The following WWOX variants were observed in gnomAD, a reference collection of about 807,000 sequenced individuals.
WWOX encodes WW domain-containing oxidoreductase.
A neutral mutation model predicts 46.2 loss-of-function variants in WWOX; 69 were observed. That is an observed-to-expected ratio of 1.49 (90% CI 1.23 to 1.82). WWOX has a LOEUF of 1.82. Among genes scored for constraint, WWOX ranks in the 40% most tolerant of loss-of-function variants. The pLI is 0.00. For synonymous variants in WWOX, 359 were observed against 202.6 expected (o/e 1.77, Z -6.56); for missense variants, 919 against 542.6 (o/e 1.69, Z -6.89).
intron 8 of WWOX, among the ~76,000 whole-genome samples, chr16:78,578,258 A>T (rs1464251390): frequency 8.6e-5 from 2 of 23,306 alleles, no homozygotes; most frequent in South Asian, 1.8e-3. Flanking sequence ...CAAATTTTAT[A>T]TATATATATA....
intron 8 of WWOX, among the ~76,000 whole-genome samples, chr16:78,958,432 A>G (rs1221428551): frequency 6.6e-6 from 1 of 152,238 alleles, no homozygotes; most frequent in Non-Finnish European, 1.5e-5. Context: ...TCTATATTTA[A>G]TTTGCACTTT....
chr16:78,879,161 A>T (rs531275672), intron 8 of WWOX, among the ~76,000 whole-genome samples: 2 of 152,254 alleles, frequency 1.3e-5, no homozygotes, highest in East Asian at 1.9e-4. Flanking sequence ...AGAAAATCGA[A>T]GTTGAGGGCA....
chr16:78,880,944 A>G (rs1174986025), intron 8 of WWOX, among the ~76,000 whole-genome samples: 6 of 140,298 alleles, frequency 4.3e-5, no homozygotes. Context: ...TTTTTTTTTC[A>G]TTATGAGTCT....
At chr16:79,038,655 T>A (rs1434022216) in intron 8 of WWOX, among the ~76,000 whole-genome samples, 1 of 152,138 alleles carries the variant, frequency 6.6e-6, no homozygotes, top group Non-Finnish European at 1.5e-5. Flanking sequence ...ATTCAAGCAA[T>A]TTTCCTGCCT....
intron 8 of WWOX, among the ~76,000 whole-genome samples, chr16:78,557,720 G>A (rs1290269774): frequency 2.2e-5 from 2 of 89,518 alleles, no homozygotes; most frequent in African/African-American, 1.0e-4. Flanking sequence ...TTTGAGACAG[G>A]AGTCTCACTC....
At chr16:78,508,090 C>G (rs188376658) in intron 8 of WWOX, among the ~76,000 whole-genome samples, 57 of 152,084 alleles carry the variant, frequency 3.7e-4, no homozygotes, top group African/African-American at 1.4e-3. Flanking sequence ...TCACTGCATC[C>G]TCTGCCTCCC....
At chr16:78,793,100 TCTCA>T (rs2050647826) in intron 8 of WWOX, among the ~76,000 whole-genome samples, 1 of 152,190 alleles carries the variant, frequency 6.6e-6, no homozygotes, top group Non-Finnish European at 1.5e-5. Flanking sequence ...TGAGAAAGGC[TCTCA>T]CTCTGTTGCT....
intron 8 of WWOX, among the ~76,000 whole-genome samples, chr16:79,089,610 A>G (rs910736455): frequency 6.6e-6 from 1 of 152,204 alleles, no homozygotes; most frequent in Non-Finnish European, 1.5e-5. Context: ...GATTACAGGC[A>G]TGAGCCACCA....
intron 8 of WWOX, among the ~76,000 whole-genome samples, chr16:78,865,707 C>A (rs1240224481): frequency 6.6e-6 from 1 of 152,036 alleles, no homozygotes; most frequent in Non-Finnish European, 1.5e-5. Flanking sequence ...TGGTGAAACC[C>A]CATCTCTACT....
At chr16:78,806,177 C>T (rs1438744832) in intron 8 of WWOX, among the ~76,000 whole-genome samples, 1 of 152,180 alleles carries the variant, frequency 6.6e-6, no homozygotes, top group East Asian at 1.9e-4. Context: ...AATAAGGCTT[C>T]CAAATTCTTG....
intron 8 of WWOX, among the ~76,000 whole-genome samples, chr16:78,539,833 T>C (rs1212206552): frequency 6.6e-6 from 1 of 152,218 alleles, no homozygotes; most frequent in Non-Finnish European, 1.5e-5. Flanking sequence ...GCGTTCATTT[T>C]CTTTATCTTG....
At chr16:78,167,708 G>A (rs1193302823) in intron 5 of WWOX, 2 of 152,192 alleles carry the variant, frequency 1.3e-5, no homozygotes, top group Non-Finnish European at 2.9e-5. Context: ...ACCAGAAGCT[G>A]TAGTTACCAT....
At chr16:78,386,516 G>C (rs144669797) in intron 5 of WWOX, among the ~76,000 whole-genome samples, 3 of 152,090 alleles carry the variant, frequency 2.0e-5, no homozygotes, top group African/African-American at 2.4e-5. Context: ...AGGCGTTGTC[G>C]TGCATTCCCC....
chr16:78,832,409 C>G (rs1190978144), intron 8 of WWOX, among the ~76,000 whole-genome samples: 3 of 152,162 alleles, frequency 2.0e-5, no homozygotes, highest in Non-Finnish European at 4.4e-5. Context: ...ACTTTAGCTA[C>G]ATTCTATTGA....
intron 4 of WWOX, among the ~76,000 whole-genome samples, chr16:78,140,875 A>C (rs1466949681): frequency 6.6e-6 from 1 of 152,158 alleles, no homozygotes; most frequent in Non-Finnish European, 1.5e-5. Context: ...GCTTTTTATC[A>C]TTGATGCTAT....
intron 8 of WWOX, among the ~76,000 whole-genome samples, chr16:78,509,761 T>G (rs185193984): frequency 1.5e-4 from 23 of 152,188 alleles, no homozygotes; most frequent in Middle Eastern, 3.4e-3. Context: ...CAGATTAAAT[T>G]GAAGCGTACA....
intron 4 of WWOX, among the ~76,000 whole-genome samples, chr16:78,153,504 T>C (rs1404967288): frequency 6.6e-6 from 1 of 152,134 alleles, no homozygotes; most frequent in African/African-American, 2.4e-5. Context: ...TCTTGCTTTA[T>C]GCATAATGGC....
At chr16:78,570,839 C>T (rs1026302794) in intron 8 of WWOX, among the ~76,000 whole-genome samples, 7 of 152,006 alleles carry the variant, frequency 4.6e-5, no homozygotes, top group Non-Finnish European at 8.8e-5. Context: ...GGGGAGAAGG[C>T]GGGCGGGGCA....
At chr16:78,916,579 T>G (rs2045257116) in intron 8 of WWOX, among the ~76,000 whole-genome samples, 1 of 152,200 alleles carries the variant, frequency 6.6e-6, no homozygotes, top group Non-Finnish European at 1.5e-5. Context: ...AATGAGATAC[T>G]GATAATAATT....
Sources: allele counts gnomAD v4.1 joint callset (sites outside exome capture counted in the v4.1 genomes callset), GRCh38; gene constraint gnomAD v4.1.1; transcripts MANE v1.5; gene names NCBI Gene and HGNC (gene_info 2026-07-23, HGNC 2026-07-21).